Variants in NFAM1 observed in about 807,000 individuals in gnomAD.
NFAM1 encodes NFAT activation molecule 1.
Under a neutral mutation model 29.0 loss-of-function variants are expected in NFAM1, and 17 were observed. That is an observed-to-expected ratio of 0.59 (90% CI 0.40 to 0.88). The LOEUF (loss-of-function observed/expected upper bound fraction) is 0.88. Among genes scored for constraint, NFAM1 ranks in the 40% least tolerant of loss-of-function variants. The probability of loss-of-function intolerance (pLI) is 0.00; values close to 1 mark genes in which losing one functional copy is unlikely to be tolerated. For missense variants in NFAM1, 324 were observed against 344.6 expected, an observed-to-expected ratio of 0.94 and a Z score of 0.47; for synonymous variants, 175 against 147.2, an observed-to-expected ratio of 1.19 and a Z score of -1.36.
At position 42,409,820 on chromosome 22, in the gene NFAM1, G is replaced by A. The variant is rs994076945; in HGVS notation, c.452-273C>T. On this transcript the variant is annotated intron_variant, in intron 2 of 5. Coordinates refer to ENST00000329021, the MANE Select transcript of NFAM1 (RefSeq NM_145912.8). This position sits in a 1 kb window ranked among gnomAD's most constrained non-coding sequence, Gnocchi z 4.9. ...GACCTGGCTCCCCTGTGGGCTGCTT[G>A]TAGGGCCCTGAGCGAGATGTCTCCC... 6.6e-6 allele frequency among the ~76,000 whole-genome samples: 1 copy of A among 152,182 alleles called. No homozygotes were observed. The highest frequency in any genetic ancestry group is 1.5e-5 in the Non-Finnish European group (1 of 68,030).
chr22:42,436,480 C>A (rs1178853131), upstream of NFAM1, among the ~76,000 whole-genome samples: 9 of 152,348 alleles, frequency 5.9e-5, no homozygotes, highest in Middle Eastern at 6.8e-3. Context: ...CCGGGTTTAC[C>A]TCTGGGGCCG....
chr22:42,433,556 T>C (rs932124723), upstream of NFAM1, among the ~76,000 whole-genome samples: 17 of 152,280 alleles, frequency 1.1e-4, no homozygotes, highest in African/African-American at 4.1e-4. Context: ...GGTGACGGCA[T>C]CATGAGATCC....
At chr22:42,408,943 G>A (rs76603082) in intron 3 of NFAM1, among the ~76,000 whole-genome samples, 202 of 152,320 alleles carry the variant, frequency 1.3e-3, no homozygotes, top group Middle Eastern at 3.4e-3. Flanking sequence ...AAAAAACCTC[G>A]TCATGGAGCT....
chr22:42,385,196 CA>C lies in NFAM1; in HGVS notation c.777del (p.Asp259GlufsTer37). ...TCATAGACCAGGTTAAGTTCGCCAT[CA>C]TCTTCGAATCTATGCGGTCTCTCCT... ...LSQERPHRFEDDGELNLVYEN... is the reference protein window; with the variant it reads ...LSQERPHRFEXDGELNLVYEN... On this transcript the variant is annotated frameshift_variant, in exon 6 of 6. Transcript: ENST00000329021. LOFTEE classifies it high-confidence loss of function. The C allele has an allele frequency of 6.2e-7, 1 of 1,612,828 alleles. No individual in the cohort carries two copies. The highest frequency in any genetic ancestry group is 8.5e-7 in the Non-Finnish European group (1 of 1,178,780).
At chr22:42,434,715 TAAAGG>T (rs1930899854), upstream of NFAM1, among the ~76,000 whole-genome samples, 1 of 152,194 alleles carries the variant, frequency 6.6e-6, no homozygotes, top group Non-Finnish European at 1.5e-5. Context: ...GAATAAACAG[TAAAGG>T]CCCCAAAGGC....
At chr22:42,422,976 G>C (rs1233548499) in intron 1 of NFAM1, among the ~76,000 whole-genome samples, 1 of 152,062 alleles carries the variant, frequency 6.6e-6, no homozygotes, top group Admixed American at 6.6e-5. Flanking sequence ...AGCTGTGCGT[G>C]GTGGCGGGCG....
intron 1 of NFAM1, among the ~76,000 whole-genome samples, chr22:42,414,114 A>C (rs1930182250): frequency 6.6e-6 from 1 of 152,136 alleles, no homozygotes; most frequent in Non-Finnish European, 1.5e-5. Context: ...AAAGAACTAA[A>C]GGCACTCACA....
chr22:42,430,973 G>T (rs1249667956), intron 1 of NFAM1, among the ~76,000 whole-genome samples: 4 of 152,206 alleles, frequency 2.6e-5, no homozygotes, highest in Non-Finnish European at 5.9e-5. Context: ...GCGTGCACAG[G>T]ATTAAAGGAG....
At chr22:42,391,293 T>C (rs1354598486) in intron 4 of NFAM1, among the ~76,000 whole-genome samples, 1 of 150,746 alleles carries the variant, frequency 6.6e-6, no homozygotes, top group Non-Finnish European at 1.5e-5. Context: ...AGGGCCATGA[T>C]CTGTCGATGG....
intron 3 of NFAM1, among the ~76,000 whole-genome samples, chr22:42,400,803 C>A (rs1431833567): frequency 6.6e-6 from 1 of 152,228 alleles, no homozygotes; most frequent in Non-Finnish European, 1.5e-5. Context: ...TCAGTGCCTC[C>A]TCTTGTCAAG....
intron 4 of NFAM1, among the ~76,000 whole-genome samples, chr22:42,396,098 G>A (rs951416049): frequency 2.0e-5 from 3 of 152,088 alleles, no homozygotes; most frequent in Non-Finnish European, 2.9e-5. Flanking sequence ...ATCCCAGTTG[G>A]TAGACCCTTA....
chr22:42,437,862 A>G, the NFAM1 span, among the ~76,000 whole-genome samples: 5 of 152,034 alleles, frequency 3.3e-5, no homozygotes, highest in African/African-American at 1.2e-4. Flanking sequence ...GGCTGTCGGT[A>G]CAGGGTGCAG....
At chr22:42,396,145 T>C (rs1929518141) in intron 4 of NFAM1, among the ~76,000 whole-genome samples, 2 of 152,248 alleles carry the variant, frequency 1.3e-5, no homozygotes, top group South Asian at 4.1e-4. Flanking sequence ...ACCTCTACTC[T>C]CCAAGCTGGC....
chr22:42,403,132 CG>C (rs1432046436), intron 3 of NFAM1, among the ~76,000 whole-genome samples: 1 of 152,050 alleles, frequency 6.6e-6, no homozygotes, highest in Non-Finnish European at 1.5e-5. Flanking sequence ...CCACCACGCC[CG>C]GCCCCCTCTG....
intron 1 of NFAM1, among the ~76,000 whole-genome samples, chr22:42,415,277 C>CCTTT (rs1201969569): frequency 5.3e-5 from 8 of 150,690 alleles, no homozygotes; most frequent in South Asian, 2.1e-4. Flanking sequence ...CCTACACCTT[C>CCTTT]CTTTCTTTCT....
chr22:42,399,391 A>G (rs930608693), intron 3 of NFAM1, among the ~76,000 whole-genome samples: 2 of 150,718 alleles, frequency 1.3e-5, no homozygotes, highest in Non-Finnish European at 3.0e-5. Context: ...AGGTTGCAGT[A>G]AATCGAGATC....
rs775662310 is a variant in NFAM1 at position 42,432,349 on chromosome 22, G to T, written c.9C>A (p.Asn3Lys). MENQPVRWRALPG... is the reference protein window; with the variant it reads MEKQPVRWRALPG... Reference sequence around the variant, plus strand: ...GCAGGGCCCGCCACCTCACAGGCTGGTTCTCCATCTGGGGGCCTGCTTGTC... The same window carrying T: ...GCAGGGCCCGCCACCTCACAGGCTGTTTCTCCATCTGGGGGCCTGCTTGTC... Residue 3 changes from asparagine (N) to lysine (K), a missense_variant, in exon 1 of 6, where the codon AAC becomes AAA. Transcript: ENST00000329021. 13 of 1,576,374 alleles carry T rather than the reference G, an allele frequency of 8.2e-6. No homozygotes were observed. Among genetic ancestry groups the T allele is most frequent in the Non-Finnish European group, 1.1e-5 (13 of 1,162,266 alleles).
intron 3 of NFAM1, among the ~76,000 whole-genome samples, chr22:42,404,940 A>G (rs1026302466): frequency 1.3e-5 from 2 of 152,044 alleles, no homozygotes; most frequent in Non-Finnish European, 2.9e-5. Flanking sequence ...AGAGGAGGAA[A>G]CTGAGGCTCA....
upstream of NFAM1, among the ~76,000 whole-genome samples, chr22:42,434,292 C>T (rs1048051517): frequency 3.9e-5 from 6 of 152,150 alleles, no homozygotes; most frequent in African/African-American, 1.4e-4. Flanking sequence ...AAGCCTTCCT[C>T]CAGGCTTGAT....
Sources: gnomAD v4.1 joint callset for allele counts (sites outside exome capture counted in the v4.1 genomes callset) on GRCh38, gnomAD v4.1.1 for gene constraint, Gnocchi (gnomAD v3.1) non-coding constraint, MANE v1.5 for transcripts, NCBI Gene and HGNC (gene_info 2026-07-23, HGNC 2026-07-21) for gene names.